AOAH: variants seen among roughly 807,000 people sequenced by gnomAD.
The protein encoded by AOAH is acyloxyacyl hydrolase.
In AOAH, 64 loss-of-function variants were observed where a neutral mutation model predicts 92.2. That is an observed-to-expected ratio of 0.69 (90% CI 0.57 to 0.86). AOAH has a LOEUF of 0.86. Among genes scored for constraint, AOAH ranks in the 40% least tolerant of loss-of-function variants. The pLI, the probability that AOAH is intolerant of heterozygous loss-of-function variation, is 0.00. For missense variants in AOAH, 656 were observed against 694.6 expected (o/e 0.94, Z 0.62); for synonymous variants, 263 against 254.5 (o/e 1.03, Z -0.32).
intron 4 of AOAH, among the ~76,000 whole-genome samples, chr7:36,644,640 T>C (rs536464965): frequency 1.3e-5 from 2 of 152,236 alleles, no homozygotes; most frequent in African/African-American, 2.4e-5. Flanking sequence ...CTTTCTAAGG[T>C]TCTGTGATGT....
At chr7:36,616,777 C>T (rs1562625624) in intron 10 of AOAH, among the ~76,000 whole-genome samples, 4 of 152,070 alleles carry the variant, frequency 2.6e-5, no homozygotes, top group African/African-American at 4.8e-5. Flanking sequence ...ATCTGAAATC[C>T]GAAATATACC....
At chr7:36,582,791 G>A (rs1789026038) in intron 12 of AOAH, among the ~76,000 whole-genome samples, 1 of 152,004 alleles carries the variant, frequency 6.6e-6, no homozygotes, top group South Asian at 2.1e-4. Context: ...TAAACCAGAT[G>A]TGATATGATT....
intron 4 of AOAH, among the ~76,000 whole-genome samples, chr7:36,646,944 G>A (rs1047871356): frequency 3.2e-4 from 49 of 152,146 alleles, no homozygotes; most frequent in Admixed American, 1.9e-3. Flanking sequence ...ACACAGTTAC[G>A]AGGGACTTGG....
intron 13 of AOAH, among the ~76,000 whole-genome samples, chr7:36,552,900 G>A (rs932794778): frequency 6.6e-6 from 1 of 151,824 alleles, no homozygotes; most frequent in Non-Finnish European, 1.5e-5. Flanking sequence ...GCAACGACAT[G>A]ATTTAGTTCT....
intron 6 of AOAH, among the ~76,000 whole-genome samples, chr7:36,627,854 T>C (rs1792786291): frequency 6.6e-6 from 1 of 152,220 alleles, no homozygotes; most frequent in Non-Finnish European, 1.5e-5. Context: ...GGCTGATTGT[T>C]ATTAATGACA....
intron 11 of AOAH, among the ~76,000 whole-genome samples, chr7:36,613,524 C>G (rs544914995): frequency 1.3e-5 from 2 of 152,286 alleles, no homozygotes; most frequent in East Asian, 3.9e-4. Context: ...GATGTCTTTT[C>G]TTTTTCTGCA....
intron 1 of AOAH, among the ~76,000 whole-genome samples, chr7:36,709,052 A>G (rs1053582836): frequency 6.6e-6 from 1 of 152,080 alleles, no homozygotes; most frequent in African/African-American, 2.4e-5. Context: ...TGGTTTCCCA[A>G]TCAACTAGGG....
At chr7:36,689,187 T>C (rs10243122) in intron 1 of AOAH, among the ~76,000 whole-genome samples, 38,958 of 151,924 alleles carry the variant, frequency 0.26, 5,738 homozygotes, top group African/African-American at 0.4. Context: ...CTCCACTCCT[T>C]ATTCTGGCAT....
rs891063689 is a variant in AOAH at position 36,594,259 on chromosome 7, A to G, written c.938+80T>C. 3.4e-5 allele frequency: 39 copies of G among 1,139,378 alleles called. No individual in the cohort carries two copies. The African/African-American group carries it at 5.6e-4, about 16-fold the overall frequency. 70.6% of individuals were successfully genotyped at this position (1,139,378 alleles called of 1,614,324 possible). ...AGTTCCTAATAATTCGCATTTCAAC[A>G]TCTTGGTAGCAACCCCCATCTCTTG... On this transcript the variant is annotated intron_variant, in intron 12 of 20. Transcript: ENST00000617537.
rs1169483824 is a variant in AOAH at position 36,614,252 on chromosome 7, G to GTGT, written c.846+2125_846+2127dup. Among the ~76,000 whole-genome samples the GTGT allele has an allele frequency of 6.6e-6, 1 of 152,054 alleles. No homozygotes were observed. Among genetic ancestry groups the GTGT allele is most frequent in the African/African-American group, 2.4e-5 (1 of 41,394 alleles). On this transcript the variant is annotated intron_variant, in intron 11 of 20. Coordinates refer to ENST00000617537, the MANE Select transcript of AOAH (RefSeq NM_001637.4). The surrounding 1 kb of genome is among the most constrained non-coding windows in gnomAD (Gnocchi z 4.2). ...GTGGCACTGCCCCACATTTTTTATTGTGTTGTTTGATAGGTCCATCCAGAA... is the reference window on the plus strand; with the variant it reads ...GTGGCACTGCCCCACATTTTTTATTGTGTTGTTGTTTGATAGGTCCATCCAGAA...
intron 1 of AOAH, among the ~76,000 whole-genome samples, chr7:36,709,200 C>T (rs1798612554): frequency 6.6e-6 from 1 of 152,136 alleles, no homozygotes; most frequent in South Asian, 2.1e-4. Flanking sequence ...GTAGGTTCTG[C>T]TTGTTAATTC....
intron 11 of AOAH, among the ~76,000 whole-genome samples, chr7:36,609,531 G>A (rs34028893): frequency 0.055 from 8,413 of 152,110 alleles, 262 homozygotes; most frequent in East Asian, 0.092. Flanking sequence ...CTCCTCAGAA[G>A]GCTGGACCCT....
chr7:36,627,810 G>A (rs1772349316), intron 6 of AOAH, among the ~76,000 whole-genome samples: 1 of 150,794 alleles, frequency 6.6e-6, no homozygotes. Flanking sequence ...GATATCAGGT[G>A]AGTCGGCTTG....
chr7:36,608,919 GGT>G (rs1554297018), intron 11 of AOAH, among the ~76,000 whole-genome samples: 62 of 129,784 alleles, frequency 4.8e-4, no homozygotes, highest in Admixed American at 9.3e-4. Context: ...GAGGGGGGGG[GGT>G]CTGGTACAAA....
chr7:36,716,300 G>A (rs545554683), intron 1 of AOAH, among the ~76,000 whole-genome samples: 64 of 151,386 alleles, frequency 4.2e-4, no homozygotes, highest in Non-Finnish European at 6.6e-4. Flanking sequence ...TTAGAATGGC[G>A]ATCATTAAAA....
At chr7:36,681,501 G>A (rs1052759071) in intron 2 of AOAH, among the ~76,000 whole-genome samples, 3 of 152,134 alleles carry the variant, frequency 2.0e-5, no homozygotes, top group Admixed American at 2.0e-4. Context: ...GGTGGAGGCA[G>A]CAGAATTTTG....
chr7:36,597,049 G>A (rs915406678), intron 11 of AOAH, among the ~76,000 whole-genome samples: 4 of 152,016 alleles, frequency 2.6e-5, no homozygotes, highest in South Asian at 4.1e-4. Context: ...CACATGCCAC[G>A]AAACCTCCAT....
intron 10 of AOAH, among the ~76,000 whole-genome samples, chr7:36,617,063 A>G (rs886162758): frequency 7.2e-5 from 11 of 152,202 alleles, no homozygotes. Context: ...TCACCTGTGA[A>G]CTCATTCTTC....
chr7:36,594,951 C>T (rs903793817), intron 11 of AOAH, among the ~76,000 whole-genome samples: 11 of 152,064 alleles, frequency 7.2e-5, no homozygotes, highest in African/African-American at 1.7e-4. Flanking sequence ...CAAAAATGCA[C>T]GTGTATTTAA....
Sources: gnomAD v4.1 joint callset for allele counts (sites outside exome capture counted in the v4.1 genomes callset) on GRCh38, gnomAD v4.1.1 for gene constraint, Gnocchi (gnomAD v3.1) non-coding constraint, MANE v1.5 for transcripts, NCBI Gene and HGNC (gene_info 2026-07-23, HGNC 2026-07-21) for gene names.